TRPC4AP: variants seen among roughly 807,000 people sequenced by gnomAD.
TRPC4AP encodes the protein transient receptor potential cation channel subfamily C member 4 associated protein.
TRPC4AP carries 45 observed loss-of-function variants against 99.0 expected under a neutral mutation model. The ratio of observed to expected loss-of-function variants is 0.45; its 90% CI spans 0.36 to 0.58. TRPC4AP has a LOEUF of 0.58. Among genes scored for constraint, TRPC4AP ranks in the 20% least tolerant of loss-of-function variants. The probability of loss-of-function intolerance (pLI) is 0.00; values close to 1 mark genes in which losing one functional copy is unlikely to be tolerated. For missense variants in TRPC4AP, 879 were observed against 985.3 expected, an observed-to-expected ratio of 0.89 and a Z score of 1.44; for synonymous variants, 408 against 385.8, an observed-to-expected ratio of 1.06 and a Z score of -0.67.
At chr20:35,072,247 T>C (rs1019165772) in intron 2 of TRPC4AP, among the ~76,000 whole-genome samples, 2 of 152,234 alleles carry the variant, frequency 1.3e-5, no homozygotes, top group African/African-American at 2.4e-5. Context: ...TTCACTCTGA[T>C]GGTAGTTTCT....
chr20:35,074,085 T>C (rs2084401335), intron 2 of TRPC4AP, among the ~76,000 whole-genome samples: 1 of 152,258 alleles, frequency 6.6e-6, no homozygotes, highest in Non-Finnish European at 1.5e-5. Flanking sequence ...TATTCTCTGA[T>C]GGTAGTTTGT....
intron 7 of TRPC4AP, among the ~76,000 whole-genome samples, chr20:35,039,029 T>C (rs1455145200): frequency 6.6e-6 from 1 of 152,154 alleles, no homozygotes; most frequent in Non-Finnish European, 1.5e-5. Context: ...GCCAAGATTG[T>C]GCCACTACAC....
At chr20:35,050,462 C>T (rs776045372) in intron 5 of TRPC4AP, among the ~76,000 whole-genome samples, 8 of 152,072 alleles carry the variant, frequency 5.3e-5, no homozygotes, top group Non-Finnish European at 7.4e-5. Flanking sequence ...CACCTGTAAC[C>T]CCAGCACTTT....
Position 35,004,581 on chromosome 20 carries a change from A to G in TRPC4AP, c.1937-11T>C. ...ACAGTACCTCGGCAACTGTGGAGGG[A>G]GGCAGGGGTGCAGCAGGTCAGGCTT... On this transcript the variant is annotated splice_polypyrimidine_tract_variant and intron_variant, in intron 16 of 18. Coordinates refer to ENST00000252015, the MANE Select transcript of TRPC4AP (RefSeq NM_015638.3). The G allele has an allele frequency of 6.2e-7, 1 of 1,611,602 alleles. No homozygotes were observed. Among genetic ancestry groups the G allele is most frequent in the African/African-American group, 1.3e-5 (1 of 74,984 alleles).
At chr20:35,045,072 T>C (rs780185627) in intron 6 of TRPC4AP, among the ~76,000 whole-genome samples, 2 of 150,986 alleles carry the variant, frequency 1.3e-5, no homozygotes, top group Non-Finnish European at 3.0e-5. Flanking sequence ...TGCTACAGAT[T>C]TGCTTTTTTA....
chr20:35,086,350 T>C (rs1469603926), intron 1 of TRPC4AP, among the ~76,000 whole-genome samples: 3 of 152,026 alleles, frequency 2.0e-5, no homozygotes, highest in Non-Finnish European at 4.4e-5. Context: ...TTGTGTCCTT[T>C]AATGGGGTAT....
At chr20:35,026,496 A>C (rs1295486877) in intron 8 of TRPC4AP, among the ~76,000 whole-genome samples, 2 of 152,186 alleles carry the variant, frequency 1.3e-5, no homozygotes, top group Non-Finnish European at 2.9e-5. Context: ...GATTACAGGC[A>C]TGAGTCACTG....
chr20:35,075,140 A>G (rs905509700), intron 2 of TRPC4AP, among the ~76,000 whole-genome samples: 1 of 149,652 alleles, frequency 6.7e-6, no homozygotes, highest in African/African-American at 2.5e-5. Flanking sequence ...CTTTATTTTG[A>G]GCCTATGTGT....
intron 3 of TRPC4AP, among the ~76,000 whole-genome samples, chr20:35,068,599 G>A (rs2084206534): frequency 6.6e-6 from 1 of 151,996 alleles, no homozygotes; most frequent in Non-Finnish European, 1.5e-5. Flanking sequence ...TTGGCTCACG[G>A]CAACCTCTGC....
At chr20:35,073,635 G>GTAT (rs2084387474) in intron 2 of TRPC4AP, among the ~76,000 whole-genome samples, 1 of 152,182 alleles carries the variant, frequency 6.6e-6, no homozygotes, top group South Asian at 2.1e-4. Context: ...CTTGATCGTG[G>GTAT]TGAATAAGCT....
At chr20:35,052,182 CT>C (rs1226083188) in intron 5 of TRPC4AP, among the ~76,000 whole-genome samples, 1 of 151,554 alleles carries the variant, frequency 6.6e-6, no homozygotes, top group Non-Finnish European at 1.5e-5. Flanking sequence ...TCACCGCAGC[CT>C]TAACCTCTCA....
intron 14 of TRPC4AP, 87 bp from the exon 15 acceptor site, chr20:35,006,662 A>G: frequency 1.3e-6 from 2 of 1,525,560 alleles, no homozygotes; most frequent in South Asian, 1.2e-5. Context: ...ATTGGCTTTG[A>G]GCAAGCATCC....
At chr20:35,061,337 TA>T (rs915682284) in intron 3 of TRPC4AP, among the ~76,000 whole-genome samples, 2 of 152,130 alleles carry the variant, frequency 1.3e-5, no homozygotes, top group Non-Finnish European at 2.9e-5. Flanking sequence ...AAAGACAATC[TA>T]AAAAAATGGA....
chr20:35,052,231 C>T (rs982097846), intron 5 of TRPC4AP, among the ~76,000 whole-genome samples: 1 of 95,052 alleles, frequency 1.1e-5, no homozygotes, highest in Non-Finnish European at 2.5e-5. Context: ...TCCTGAGGAG[C>T]TGGGACTATG....
chr20:35,041,470 C>T (rs1285048802), intron 7 of TRPC4AP, among the ~76,000 whole-genome samples: 2 of 152,012 alleles, frequency 1.3e-5, no homozygotes, highest in African/African-American at 2.4e-5. Flanking sequence ...CAGAATCACA[C>T]ATAGACTGTC....
chr20:35,085,883 AT>A (rs1486337622), intron 1 of TRPC4AP, among the ~76,000 whole-genome samples: 1 of 152,198 alleles, frequency 6.6e-6, no homozygotes, highest in Non-Finnish European at 1.5e-5. Flanking sequence ...TAAAGGCTAA[AT>A]TCCATGAAGA....
intron 16 of TRPC4AP, among the ~76,000 whole-genome samples, chr20:35,004,872 G>C (rs558351858): frequency 1.2e-4 from 19 of 152,300 alleles, no homozygotes; most frequent in African/African-American, 4.6e-4. Context: ...ATCACACACA[G>C]AAGAGTTCCC....
intron 7 of TRPC4AP, among the ~76,000 whole-genome samples, chr20:35,039,829 G>T (rs900664711): frequency 6.6e-6 from 1 of 151,528 alleles, no homozygotes; most frequent in African/African-American, 2.4e-5. Flanking sequence ...TCTCAAAAAG[G>T]ACTCAAAAAA....
chr20:35,066,611 T>C (rs1204791418), intron 3 of TRPC4AP, among the ~76,000 whole-genome samples: 1 of 152,052 alleles, frequency 6.6e-6, no homozygotes, highest in Non-Finnish European at 1.5e-5. Context: ...AAACTTCAAA[T>C]GATGCAAAAA....
Sources: gnomAD v4.1 joint callset for allele counts (sites outside exome capture counted in the v4.1 genomes callset) on GRCh38, gnomAD v4.1.1 for gene constraint, MANE v1.5 for transcripts, NCBI Gene and HGNC (gene_info 2026-07-23, HGNC 2026-07-21) for gene names.